NXPE4: variants seen among roughly 807,000 people sequenced by gnomAD.
NXPE4 encodes NXPE family member 4.
NXPE4 carries 42 observed loss-of-function variants against 33.3 expected under a neutral mutation model. The ratio of observed to expected loss-of-function variants is 1.26; its 90% confidence interval spans 0.98 to 1.63. The LOEUF (loss-of-function observed/expected upper bound fraction) is 1.63, where lower values mean the gene tolerates loss of function less well. Among genes scored for constraint, NXPE4 ranks in the 40% most tolerant of loss-of-function variants. NXPE4 has a pLI of 0.00. For missense variants in NXPE4, 709 were observed against 647.6 expected (o/e 1.09, Z -1.03); for synonymous variants, 253 against 234.9 (o/e 1.08, Z -0.71).
At chr11:114,640,622 G>A in the NXPE4 span, among the ~76,000 whole-genome samples, 8 of 151,830 alleles carry the variant, frequency 5.3e-5, no homozygotes, top group South Asian at 1.7e-3. Flanking sequence ...ACATCTGTTG[G>A]TTTTTTACTT....
At chr11:114,677,137 G>T in the NXPE4 span, among the ~76,000 whole-genome samples, 41 of 152,176 alleles carry the variant, frequency 2.7e-4, no homozygotes, top group African/African-American at 9.9e-4. Flanking sequence ...GCAAATAGGG[G>T]ATGTTGGTCA....
chr11:114,590,909 C>G (rs1424550727), intron 2 of NXPE4, among the ~76,000 whole-genome samples: 1 of 152,206 alleles, frequency 6.6e-6, no homozygotes, highest in Non-Finnish European at 1.5e-5. Flanking sequence ...AAATATCAGG[C>G]TCTGCTGTTA....
chr11:114,677,811 C>T, the NXPE4 span, among the ~76,000 whole-genome samples: 1 of 151,988 alleles, frequency 6.6e-6, no homozygotes, highest in Non-Finnish European at 1.5e-5. Context: ...TATCTAGACA[C>T]TCTCATGCAG....
the NXPE4 span, among the ~76,000 whole-genome samples, chr11:114,623,501 GTGGATA>G: frequency 6.6e-6 from 1 of 152,054 alleles, no homozygotes; most frequent in Non-Finnish European, 1.5e-5. Context: ...CTGTTACCCA[GTGGATA>G]ATAAGTATTC....
chr11:114,650,326 G>C, the NXPE4 span, among the ~76,000 whole-genome samples: 1 of 152,196 alleles, frequency 6.6e-6, no homozygotes, highest in Non-Finnish European at 1.5e-5. Flanking sequence ...TGCTAATTTG[G>C]AATAGCTGGG....
chr11:114,624,700 T>C, the NXPE4 span, among the ~76,000 whole-genome samples: 1 of 151,944 alleles, frequency 6.6e-6, no homozygotes, highest in African/African-American at 2.4e-5. Context: ...GCCTCTAGGG[T>C]AACCACTGTC....
At chr11:114,640,273 A>T in the NXPE4 span, among the ~76,000 whole-genome samples, 9 of 143,892 alleles carry the variant, frequency 6.3e-5, no homozygotes, top group Non-Finnish European at 1.4e-4. Context: ...TATATAATAT[A>T]TAATACATTA....
the NXPE4 span, among the ~76,000 whole-genome samples, chr11:114,625,958 C>G: frequency 6.6e-6 from 1 of 152,148 alleles, no homozygotes; most frequent in East Asian, 1.9e-4. Context: ...GAATACTGCA[C>G]TTTTCCGATG....
chr11:114,593,361 G>A (rs544434058), intron 2 of NXPE4, among the ~76,000 whole-genome samples: 1 of 152,146 alleles, frequency 6.6e-6, no homozygotes, highest in Non-Finnish European at 1.5e-5. Flanking sequence ...TAAAAATTGG[G>A]CAAAAGATCT....
At chr11:114,630,355 C>G in the NXPE4 span, among the ~76,000 whole-genome samples, 1 of 151,734 alleles carries the variant, frequency 6.6e-6, no homozygotes, top group Admixed American at 6.6e-5. Flanking sequence ...ACATAGCCCT[C>G]AGAAATAACA....
chr11:114,614,072 A>G, the NXPE4 span, among the ~76,000 whole-genome samples: 9 of 148,948 alleles, frequency 6.0e-5, no homozygotes, highest in South Asian at 1.1e-3. Context: ...CGCCTCATGC[A>G]TAACCACTGA....
intron 5 of NXPE4, among the ~76,000 whole-genome samples, chr11:114,573,238 C>A (rs970761838): frequency 1.3e-5 from 2 of 151,994 alleles, no homozygotes; most frequent in South Asian, 2.1e-4. Flanking sequence ...TCAAAGCACA[C>A]CAAAATAGAA....
At chr11:114,603,015 TTC>T in the NXPE4 span, among the ~76,000 whole-genome samples, 1 of 151,210 alleles carries the variant, frequency 6.6e-6, no homozygotes, top group Non-Finnish European at 1.5e-5. Flanking sequence ...TATATAATAA[TTC>T]TCTCATATAT....
chr11:114,629,567 T>C, the NXPE4 span, among the ~76,000 whole-genome samples: 44 of 150,110 alleles, frequency 2.9e-4, no homozygotes, highest in Middle Eastern at 3.4e-3. Context: ...CAATATCATA[T>C]TGAATGGGCA....
the NXPE4 span, among the ~76,000 whole-genome samples, chr11:114,629,076 C>A: frequency 6.6e-6 from 1 of 152,018 alleles, no homozygotes; most frequent in Non-Finnish European, 1.5e-5. Flanking sequence ...GATTCACAGT[C>A]GAATTCTACC....
upstream of NXPE4, among the ~76,000 whole-genome samples, chr11:114,600,292 T>A (rs1949622377): frequency 6.6e-6 from 1 of 152,164 alleles, no homozygotes; most frequent in Admixed American, 6.6e-5. Flanking sequence ...TCTGCCAGCC[T>A]TTTCTATAAT....
At chr11:114,629,235 C>A in the NXPE4 span, among the ~76,000 whole-genome samples, 1 of 151,980 alleles carries the variant, frequency 6.6e-6, no homozygotes, top group Non-Finnish European at 1.5e-5. Flanking sequence ...AATTTTAGAC[C>A]AATATCCTTG....
chr11:114,650,773 A>G, the NXPE4 span, among the ~76,000 whole-genome samples: 2 of 152,144 alleles, frequency 1.3e-5, no homozygotes, highest in African/African-American at 4.8e-5. Flanking sequence ...AAGGAGGAGC[A>G]AGAACTCTGG....
the NXPE4 span, among the ~76,000 whole-genome samples, chr11:114,625,632 G>T: frequency 6.6e-6 from 1 of 152,162 alleles, no homozygotes; most frequent in Non-Finnish European, 1.5e-5. Context: ...GGTAACTGCT[G>T]TTACCCGGTG....
Sources: gnomAD v4.1 joint callset for allele counts (sites outside exome capture counted in the v4.1 genomes callset) on GRCh38, gnomAD v4.1.1 for gene constraint, MANE v1.5 for transcripts, NCBI Gene and HGNC (gene_info 2026-07-23, HGNC 2026-07-21) for gene names.